Variants in MARCO observed in about 807,000 individuals in gnomAD.
MARCO encodes the protein macrophage receptor MARCO.
MARCO carries 72 observed loss-of-function variants against 70.0 expected under a neutral mutation model. The observed-to-expected ratio is 1.03, with a 90% CI of 0.85 to 1.25. MARCO has a LOEUF of 1.25. MARCO is among the 50% of genes most tolerant of loss of function. MARCO has a pLI of 0.00. For synonymous variants in MARCO, 273 were observed against 243.1 expected, an observed-to-expected ratio of 1.12 and a Z score of -1.14; for missense variants, 696 against 659.3, an observed-to-expected ratio of 1.06 and a Z score of -0.61.
chr2:118,994,468 G>T lies in MARCO; in HGVS notation c.1511G>T (p.Gly504Val). The T allele has an allele frequency of 1.2e-6, 2 of 1,613,534 alleles. No homozygotes were observed. The highest frequency in any genetic ancestry group is 1.1e-5 in the South Asian group (1 of 90,948). The change falls in exon 17 of 17, where the codon GGC (glycine) becomes GTC (valine). Residue 504 changes from glycine to valine, a missense_variant. Coordinates refer to ENST00000327097, the MANE Select transcript of MARCO (RefSeq NM_006770.4). Reference protein sequence around the residue: ...TLWSCTKNSWGHHDCSHEEDA... With the variant: ...TLWSCTKNSWVHHDCSHEEDA... ...TGGAGCTGCACCAAGAATAGCTGGG[G>T]CCATCATGACTGCAGCCACGAGGAG...
chr2:118,987,656 G>A (rs1417217333), intron 12 of MARCO, among the ~76,000 whole-genome samples: 1 of 152,166 alleles, frequency 6.6e-6, no homozygotes, highest in East Asian at 1.9e-4. Context: ...GTTGTTTAGG[G>A]CAGTGTTACT....
At chr2:118,948,471 G>A (rs1045406641) in intron 1 of MARCO, among the ~76,000 whole-genome samples, 5 of 152,128 alleles carry the variant, frequency 3.3e-5, no homozygotes, top group East Asian at 1.9e-4. Flanking sequence ...GAGCTGGAAC[G>A]TGCCTGTGAG....
Position 118,982,238 on chromosome 2 carries a change from C to G in MARCO, c.984C>G (p.Gly328=). 6.2e-7 allele frequency: 1 copy of G among 1,612,962 alleles called. No homozygotes were observed. Among genetic ancestry groups the G allele is most frequent in the Non-Finnish European group, 8.5e-7 (1 of 1,179,148 alleles). ...PGAKGEPGSA[G]SPGRAGLPGS... is the part of the protein sequence containing the mutation. ...CCAAGGGTGAGCCTGGCAGTGCTGGCTCCCCTGGGCGAGCAGGTGAGGTCC... is the reference window on the plus strand; with the variant it reads ...CCAAGGGTGAGCCTGGCAGTGCTGGGTCCCCTGGGCGAGCAGGTGAGGTCC... The change falls in exon 11 of 17, where the codon GGC becomes GGG. Residue 328 remains glycine (G), a synonymous_variant. Transcript: ENST00000327097.
intron 1 of MARCO, among the ~76,000 whole-genome samples, chr2:118,958,581 C>T (rs180928426): frequency 6.6e-6 from 1 of 152,220 alleles, no homozygotes; most frequent in East Asian, 1.9e-4. Flanking sequence ...ATCGTACTGC[C>T]AAAAGCAATC....
chr2:118,960,376 G>A (rs1259044266), intron 1 of MARCO, among the ~76,000 whole-genome samples: 1 of 152,084 alleles, frequency 6.6e-6, no homozygotes, highest in East Asian at 1.9e-4. Flanking sequence ...TCACCATTAA[G>A]TATGATGTTA....
intron 4 of MARCO, among the ~76,000 whole-genome samples, chr2:118,973,362 GTC>G (rs1310367094): frequency 6.6e-6 from 1 of 151,210 alleles, no homozygotes; most frequent in Non-Finnish European, 1.5e-5. Context: ...GTCTTTCTCA[GTC>G]TCTCTCTGTC....
intron 1 of MARCO, among the ~76,000 whole-genome samples, chr2:118,947,097 C>T (rs536397211): frequency 9.9e-5 from 15 of 152,192 alleles, no homozygotes; most frequent in Admixed American, 6.5e-4. Context: ...CACATATTTT[C>T]TCCGAGTCTG....
intron 1 of MARCO, among the ~76,000 whole-genome samples, chr2:118,951,097 G>A (rs1679713948): frequency 6.6e-6 from 1 of 152,184 alleles, no homozygotes; most frequent in East Asian, 1.9e-4. Context: ...CCACCTTTGA[G>A]CAGACCAATT....
chr2:118,993,082 A>G (rs759177449), intron 15 of MARCO, 42 bp from the exon 16 acceptor site: 2 of 1,592,108 alleles, frequency 1.3e-6, no homozygotes, highest in Non-Finnish European at 1.7e-6. Flanking sequence ...CAAAGCCCCA[A>G]GGGGCCTTCC....
In MARCO at chr2:118,970,192, C is replaced by T. The variant is rs1437765517; in HGVS notation, c.278C>T (p.Ser93Phe). 6.2e-7 allele frequency: 1 copy of T among 1,614,190 alleles called. No homozygotes were observed. The highest frequency in any genetic ancestry group is 1.1e-5 in the South Asian group (1 of 91,080). Residue 93 changes from serine to phenylalanine, a missense_variant, in exon 3 of 17, where the codon TCC (serine) becomes TTC (phenylalanine). This residue lies in a region of MARCO where 605 missense variants were observed against 537.6 expected (regional missense o/e 1.13). Coordinates refer to ENST00000327097, the MANE Select transcript of MARCO (RefSeq NM_006770.4). ...ACTCTGGCGGCTGAGGACAGCCCGT[C>T]CTTCTCCTTGCTGCAGTCAGCACAC... ...NDTLAAEDSP[S>F]FSLLQSAHPG...
At chr2:118,946,604 G>A (rs55906027) in intron 1 of MARCO, among the ~76,000 whole-genome samples, 20,101 of 151,824 alleles carry the variant, frequency 0.13, 1,464 homozygotes, top group South Asian at 0.27. Flanking sequence ...CAGTTTGGGG[G>A]CTATTACAAA....
intron 1 of MARCO, among the ~76,000 whole-genome samples, chr2:118,945,141 A>C (rs1679571280): frequency 5.3e-5 from 8 of 152,106 alleles, no homozygotes; most frequent in Admixed American, 5.2e-4. Flanking sequence ...CTCTCCTCAG[A>C]GCCATAGAAA....
At chr2:118,986,330 C>A (rs1411805230) in intron 12 of MARCO, among the ~76,000 whole-genome samples, 1 of 148,960 alleles carries the variant, frequency 6.7e-6, no homozygotes, top group Non-Finnish European at 1.5e-5. Flanking sequence ...CGGGGCAAGA[C>A]AGCAATGTCC....
chr2:118,943,255 C>T (rs150201827), intron 1 of MARCO, among the ~76,000 whole-genome samples: 3 of 152,306 alleles, frequency 2.0e-5, no homozygotes, highest in East Asian at 1.9e-4. Flanking sequence ...AAAGATGAAG[C>T]GTCTGGGGCT....
At chr2:118,978,319 G>A (rs1680325864) in intron 8 of MARCO, among the ~76,000 whole-genome samples, 1 of 152,178 alleles carries the variant, frequency 6.6e-6, no homozygotes, top group Non-Finnish European at 1.5e-5. Context: ...CATTGACTGA[G>A]GGTGCTATCT....
Position 118,994,530 on chromosome 2 carries a change from C to A in MARCO, c.*10C>A, listed in dbSNP as rs111933917. 6.4e-6 allele frequency: 10 copies of A among 1,567,754 alleles called. No individual in the cohort carries two copies. Among genetic ancestry groups the A allele is most frequent in the Non-Finnish European group, 8.6e-6 (10 of 1,157,556 alleles). On this transcript the variant is annotated 3_prime_UTR_variant, in exon 17 of 17. Transcript: ENST00000327097. ...GGAGTGCAGCGTCTGACCCGGAAAC[C>A]CTTTCACTTCTCTGCTCCCGAGGTG...
intron 1 of MARCO, among the ~76,000 whole-genome samples, chr2:118,966,083 C>A (rs1680042143): frequency 6.6e-6 from 1 of 151,354 alleles, no homozygotes; most frequent in Non-Finnish European, 1.5e-5. Flanking sequence ...GAGGAGGACA[C>A]CCTACCAGCA....
intron 7 of MARCO, 43 bp downstream of exon 7, chr2:118,977,558 T>C (rs1680308091): frequency 1.3e-6 from 2 of 1,560,820 alleles, no homozygotes; most frequent in African/African-American, 1.4e-5. Flanking sequence ...ATGCATAGCC[T>C]GAGGCACTGA....
chr2:118,942,257 A>C lies in MARCO; in HGVS notation c.-44A>C. On this transcript the variant is annotated 5_prime_UTR_variant, in exon 1 of 17. Coordinates refer to ENST00000327097, the MANE Select transcript of MARCO (RefSeq NM_006770.4). Reference sequence around the variant, plus strand: ...CCAAGTGGTTCCTCTTGAGGGGAGCATTTCTGCTGGCTCCAGGACTTTGGC... The same window carrying C: ...CCAAGTGGTTCCTCTTGAGGGGAGCCTTTCTGCTGGCTCCAGGACTTTGGC... The C allele has an allele frequency of 7.3e-7, 1 of 1,362,258 alleles. No individual in the cohort carries two copies. Among genetic ancestry groups the C allele is most frequent in the East Asian group, 2.3e-5 (1 of 43,256 alleles). 84.4% of individuals were successfully genotyped at this position (1,362,258 alleles called of 1,614,324 possible).
Sources: allele counts gnomAD v4.1 joint callset (sites outside exome capture counted in the v4.1 genomes callset), GRCh38; gene constraint gnomAD v4.1.1; regional missense constraint gnomAD v4.1.1; transcripts MANE v1.5; gene names NCBI Gene and HGNC (gene_info 2026-07-23, HGNC 2026-07-21).